The following IQCB1 variants were observed in gnomAD, a reference collection of about 807,000 sequenced individuals.
IQCB1 encodes IQ motif containing B1.
A neutral mutation model predicts 84.4 loss-of-function variants in IQCB1; 56 were observed. The ratio of observed to expected loss-of-function variants is 0.66; its 90% CI spans 0.54 to 0.83. IQCB1 has a LOEUF of 0.83. Among genes scored for constraint, IQCB1 ranks in the 40% least tolerant of loss-of-function variants. IQCB1 has a pLI of 0.00. For missense variants in IQCB1, 629 were observed against 682.1 expected, an observed-to-expected ratio of 0.92 and a Z score of 0.87; for synonymous variants, 210 against 234.8, an observed-to-expected ratio of 0.89 and a Z score of 0.96.
At chr3:121,796,953 ATCC>A (rs1442221718) in intron 9 of IQCB1, among the ~76,000 whole-genome samples, 162 bp downstream of exon 9, 1 of 152,074 alleles carries the variant, frequency 6.6e-6, no homozygotes, top group African/African-American at 2.4e-5. Flanking sequence ...GACTCAAGCA[ATCC>A]TCCTGCCTCA....
Position 121,790,152 on chromosome 3 carries a change from T to C in IQCB1, c.1050A>G (p.Leu350=), listed in dbSNP as rs763014533. The C allele has an allele frequency of 6.8e-6, 11 of 1,613,300 alleles. No homozygotes were observed. The highest frequency in any genetic ancestry group is 2.7e-5 in the African/African-American group (2 of 74,922). The change falls in exon 11 of 15, where the codon TTA becomes TTG. Residue 350 remains leucine, a synonymous_variant. Transcript: ENST00000310864. ...NRQKEEEDLK[L]QLQLQRQRAM... ...CTCTCTGTCTTTGAAGTTGCAATTG[T>C]AATTTGAGGTCCTCTTCTTCCTTCT...
chr3:121,814,618 A>G (rs1326384849), intron 5 of IQCB1, among the ~76,000 whole-genome samples: 1 of 152,232 alleles, frequency 6.6e-6, no homozygotes, highest in East Asian at 1.9e-4. Flanking sequence ...AACATCAGAG[A>G]ATACTATAAA....
chr3:121,806,802 G>A (rs1949613286), intron 7 of IQCB1, among the ~76,000 whole-genome samples: 1 of 87,056 alleles, frequency 1.1e-5, no homozygotes, highest in Admixed American at 1.2e-4. Flanking sequence ...CTCTATAATT[G>A]CAATGACAGA....
At position 121,772,659 on chromosome 3, in the gene IQCB1, G is replaced by C. The variant is rs373909351; in HGVS notation, c.1465C>G (p.Arg489Gly). 1 of 1,614,172 alleles carries C rather than the reference G, an allele frequency of 6.2e-7. No homozygotes were observed. Among genetic ancestry groups the C allele is most frequent in the South Asian group, 1.1e-5 (1 of 91,086 alleles). The change falls in exon 14 of 15, where the codon CGA becomes GGA. Residue 489 changes from arginine to glycine, a missense_variant. By Grantham distance (125) the Arg-to-Gly change is moderately radical. Transcript: ENST00000310864. The part of the protein sequence containing the change: ...SRELHAQAQE[R>G]LQHYFMGRAL... ...CTGCCCATAAAGTAGTGTTGCAGTC[G>C]TTCTTGAGCTTGGGCATGGAGCTCC...
rs1947931914 is a variant in IQCB1 at position 121,770,572 on chromosome 3, C to T, written c.1570G>A (p.Ala524Thr). The part of the protein sequence containing the change: ...ISTNVEQLMK[A>T]PSLKEAEGKE... ...CCTTCTGCCTCCTTCAGACTTGGTG[C>T]CTCTGTAGTGGACAGAAAATAAACA... The change falls in exon 15 of 15, where the codon GCA becomes ACA. Residue 524 changes from alanine to threonine, a missense_variant and splice_region_variant. Ala to Thr is a moderately conservative substitution (Grantham distance 58). Transcript: ENST00000310864. 1.2e-6 allele frequency: 2 copies of T among 1,610,248 alleles called. No individual in the cohort carries two copies. Among genetic ancestry groups the T allele is most frequent in the Non-Finnish European group, 1.7e-6 (2 of 1,177,968 alleles).
intron 14 of IQCB1, among the ~76,000 whole-genome samples, chr3:121,770,918 T>C (rs1947953566): frequency 6.6e-6 from 1 of 152,068 alleles, no homozygotes; most frequent in Non-Finnish European, 1.5e-5. Flanking sequence ...GCAATCCTTC[T>C]GCCTCAGCTT....
intron 5 of IQCB1, among the ~76,000 whole-genome samples, chr3:121,811,554 G>A (rs1168007544): frequency 4.6e-5 from 7 of 152,152 alleles, no homozygotes; most frequent in Non-Finnish European, 7.3e-5. Flanking sequence ...GTCTGAAGTC[G>A]ACCAACCTGG....
chr3:121,800,652 C>G (rs572304007), intron 7 of IQCB1, among the ~76,000 whole-genome samples: 8 of 151,888 alleles, frequency 5.3e-5, no homozygotes, highest in African/African-American at 1.9e-4. Flanking sequence ...TACAGATATC[C>G]CTATCCCAAT....
intron 8 of IQCB1, among the ~76,000 whole-genome samples, chr3:121,797,640 G>C (rs1000453261): frequency 6.6e-6 from 1 of 151,988 alleles, no homozygotes; most frequent in Non-Finnish European, 1.5e-5. Flanking sequence ...CCCTGTGGAA[G>C]CACTTATGCA....
chr3:121,804,184 A>C lies in IQCB1; in HGVS notation c.587+3160T>G, dbSNP rs189390130. Among the ~76,000 whole-genome samples the C allele has an allele frequency of 3.6e-3, 547 of 152,262 alleles. 4 individuals carry two copies. The highest frequency in any genetic ancestry group is 0.013 in the African/African-American group (524 of 41,572). On this transcript the variant is annotated intron_variant, in intron 7 of 14. Transcript: ENST00000310864. ...ATTATACCACTTCATGTATAGTATA[A>C]GAGTCTTACATCAGTATACTTCCAT...
chr3:121,795,625 A>AG, intron 9 of IQCB1, 59 bp from the exon 10 acceptor site: 1 of 859,780 alleles, frequency 1.2e-6, no homozygotes, highest in Non-Finnish European at 1.9e-6. Context: ...AAAAAAAAAA[A>AG]GTTTACCTCT....
rs557775455 is a variant in IQCB1 at position 121,820,512 on chromosome 3, T to A, written c.393+5539A>T. ...CTCCTCTTCAAAGTTTTAATTAGCA[T>A]TCATAAGAGGACTTTCCAACCTATA... On this transcript the variant is annotated intron_variant, in intron 5 of 14. Transcript: ENST00000310864. 3.3e-5 allele frequency among the ~76,000 whole-genome samples: 5 copies of A among 152,280 alleles called. No individual in the cohort carries two copies. The South Asian group carries it at 1.0e-3, about 32-fold the overall frequency.
At chr3:121,795,595 T>C (rs776807229) in intron 9 of IQCB1, 29 bp from the exon 10 acceptor site, 1 of 1,322,804 alleles carries the variant, frequency 7.6e-7, no homozygotes, top group Admixed American at 1.8e-5. Context: ...TTTAGAGATA[T>C]CTCTAGGAAG....
rs764104019 is a variant in IQCB1, at chr3:121,813,367, A to G, written c.394-4358T>C. On this transcript the variant is annotated intron_variant, in intron 5 of 14. Coordinates refer to ENST00000310864, the MANE Select transcript of IQCB1 (RefSeq NM_001023570.4). ...CACTATGAAGAAACTGCATCAACTA[A>G]TGTGCAAAATAACCAGCCAGCATCA... 3.2e-4 allele frequency among the ~76,000 whole-genome samples: 49 copies of G among 152,232 alleles called. 1 individual carries two copies. Among genetic ancestry groups the G allele is most frequent in the South Asian group, 6.2e-4 (3 of 4,836 alleles).
intron 5 of IQCB1, among the ~76,000 whole-genome samples, chr3:121,812,700 G>A (rs1476246527): frequency 2.0e-5 from 3 of 152,178 alleles, no homozygotes; most frequent in African/African-American, 7.2e-5. Flanking sequence ...ATGAAATAAA[G>A]TGTGAAGACA....
At chr3:121,820,264 C>G (rs1049766577) in intron 5 of IQCB1, among the ~76,000 whole-genome samples, 7 of 152,040 alleles carry the variant, frequency 4.6e-5, no homozygotes, top group African/African-American at 1.7e-4. Flanking sequence ...GGTAGAGCAC[C>G]TAGCAAATTC....
intron 12 of IQCB1, among the ~76,000 whole-genome samples, chr3:121,783,488 A>G (rs866132653): frequency 2.0e-5 from 3 of 152,170 alleles, no homozygotes; most frequent in Admixed American, 1.3e-4. Flanking sequence ...AATATAGTAC[A>G]CTATAATTAC....
intron 5 of IQCB1, among the ~76,000 whole-genome samples, chr3:121,813,910 G>A (rs1340860497): frequency 2.0e-5 from 3 of 152,120 alleles, no homozygotes; most frequent in Non-Finnish European, 4.4e-5. Flanking sequence ...ACTCAGCTCT[G>A]GACCAAGCGG....
intron 5 of IQCB1, among the ~76,000 whole-genome samples, chr3:121,817,595 G>T (rs1348318986): frequency 1.3e-5 from 2 of 151,786 alleles, no homozygotes; most frequent in African/African-American, 2.4e-5. Context: ...ATTAAAAATG[G>T]CTAAGACCTT....
Sources: allele counts gnomAD v4.1 joint callset (sites outside exome capture counted in the v4.1 genomes callset), GRCh38; gene constraint gnomAD v4.1.1; transcripts MANE v1.5; gene names NCBI Gene and HGNC (gene_info 2026-07-23, HGNC 2026-07-21).